SCFD2: variants seen among roughly 807,000 people sequenced by gnomAD.
SCFD2 encodes sec1 family domain containing 2.
SCFD2 carries 54 observed loss-of-function variants against 58.9 expected under a neutral mutation model. The ratio of observed to expected loss-of-function variants is 0.92; its 90% CI spans 0.74 to 1.15. SCFD2 has a LOEUF of 1.15. Among genes scored for constraint, SCFD2 ranks in the 50% most tolerant of loss-of-function variants. The pLI is 0.00. For synonymous variants in SCFD2, 321 were observed against 335.9 expected (o/e 0.96, Z 0.49); for missense variants, 805 against 836.6 (o/e 0.96, Z 0.47).
At chr4:53,220,733 T>C (rs1729024748) in intron 4 of SCFD2, among the ~76,000 whole-genome samples, 1 of 152,204 alleles carries the variant, frequency 6.6e-6, no homozygotes. Context: ...GCTTCACACA[T>C]ATCACAAGAG....
In SCFD2 at chr4:53,200,922, G is replaced by C. The variant is rs188702216; in HGVS notation, c.1312-55340C>G. ...TATAAATCCATTCTAAAAATCAAAAGTTTAAAAGTTCAGCAAAGTTCAAGT... is the reference window on the plus strand; with the variant it reads ...TATAAATCCATTCTAAAAATCAAAACTTTAAAAGTTCAGCAAAGTTCAAGT... On this transcript the variant is annotated intron_variant, in intron 4 of 8. Coordinates refer to ENST00000401642, the MANE Select transcript of SCFD2 (RefSeq NM_152540.4). Among the ~76,000 whole-genome samples, 332 of 152,042 alleles carry C rather than the reference G, an allele frequency of 2.2e-3. 3 individuals carry two copies. Among genetic ancestry groups the C allele is most frequent in the African/African-American group, 7.8e-3 (325 of 41,480 alleles).
At chr4:53,326,003 G>T (rs1013758111) in intron 2 of SCFD2, among the ~76,000 whole-genome samples, 2 of 152,136 alleles carry the variant, frequency 1.3e-5, no homozygotes, top group African/African-American at 4.8e-5. Flanking sequence ...ATGCTAGAAT[G>T]ATTCAGTCTT....
chr4:53,288,304 T>C (rs1364811086), intron 3 of SCFD2, among the ~76,000 whole-genome samples: 2 of 152,100 alleles, frequency 1.3e-5, no homozygotes, highest in Non-Finnish European at 2.9e-5. Context: ...TCCAGAAGGA[T>C]AAGGAATGGA....
At chr4:53,278,305 G>A (rs1731396440) in intron 3 of SCFD2, among the ~76,000 whole-genome samples, 1 of 151,192 alleles carries the variant, frequency 6.6e-6, no homozygotes, top group Admixed American at 6.6e-5. Context: ...GGTGGAGTAA[G>A]CCGAGATTGC....
intron 4 of SCFD2, among the ~76,000 whole-genome samples, chr4:53,191,069 A>G (rs950449035): frequency 2.0e-5 from 3 of 152,112 alleles, no homozygotes; most frequent in Middle Eastern, 3.2e-3. Flanking sequence ...ATTTGAGGGC[A>G]GAGTGCTGTG....
At chr4:52,968,718 G>C (rs1487821305) in intron 5 of SCFD2, among the ~76,000 whole-genome samples, 2 of 152,064 alleles carry the variant, frequency 1.3e-5, no homozygotes, top group African/African-American at 4.8e-5. Context: ...GTTGGTGTGG[G>C]GATCGGCAAC....
intron 5 of SCFD2, among the ~76,000 whole-genome samples, chr4:52,975,848 A>G (rs1182883738): frequency 6.6e-6 from 1 of 152,144 alleles, no homozygotes; most frequent in Non-Finnish European, 1.5e-5. Context: ...CAGCCATAAA[A>G]AAGGATGAGT....
intron 4 of SCFD2, among the ~76,000 whole-genome samples, chr4:53,220,566 G>A (rs1729018862): frequency 6.6e-6 from 1 of 150,944 alleles, no homozygotes; most frequent in Admixed American, 6.6e-5. Flanking sequence ...ATAAAATGCA[G>A]TCAGGTATTC....
At chr4:53,029,368 A>C (rs1722560302) in intron 5 of SCFD2, among the ~76,000 whole-genome samples, 1 of 152,234 alleles carries the variant, frequency 6.6e-6, no homozygotes, top group South Asian at 2.1e-4. Context: ...GAATGAGGCA[A>C]GGCCTTCTGG....
intron 5 of SCFD2, among the ~76,000 whole-genome samples, chr4:53,119,040 G>A (rs1725402772): frequency 1.3e-5 from 2 of 152,094 alleles, no homozygotes; most frequent in South Asian, 4.2e-4. Flanking sequence ...GTTTCTGTCT[G>A]GGCACGGTGG....
At chr4:53,306,189 G>GT (rs1732507553) in intron 3 of SCFD2, among the ~76,000 whole-genome samples, 1 of 152,154 alleles carries the variant, frequency 6.6e-6, no homozygotes, top group Non-Finnish European at 1.5e-5. Context: ...GGGGTTTTAT[G>GT]TTTTTTATTT....
At chr4:53,232,512 A>G (rs1303806280) in intron 4 of SCFD2, among the ~76,000 whole-genome samples, 2 of 152,222 alleles carry the variant, frequency 1.3e-5, no homozygotes, top group Non-Finnish European at 2.9e-5. Flanking sequence ...AACATACAGT[A>G]CAACCAGTAT....
intron 4 of SCFD2, among the ~76,000 whole-genome samples, chr4:53,246,941 T>G (rs978756344): frequency 2.8e-5 from 4 of 143,170 alleles, no homozygotes; most frequent in Admixed American, 2.2e-4. Context: ...TTTTGCAAAC[T>G]ATGGATCTGA....
chr4:52,970,001 A>C (rs1389090377), intron 5 of SCFD2, among the ~76,000 whole-genome samples: 1 of 152,222 alleles, frequency 6.6e-6, no homozygotes, highest in African/African-American at 2.4e-5. Flanking sequence ...AAGAGGGTAA[A>C]AATCTCAAGG....
Position 52,885,648 on chromosome 4 carries a change from G to A in SCFD2, c.1962+99C>T. ...AGCCAAGAGGGTGATGGGCAGGCAGGCTAGGAGAGGGGCACTGGGACCCAT... is the reference window on the plus strand; with the variant it reads ...AGCCAAGAGGGTGATGGGCAGGCAGACTAGGAGAGGGGCACTGGGACCCAT... On this transcript the variant is annotated intron_variant, in intron 8 of 8. Transcript: ENST00000401642. 5 of 1,410,056 alleles carry A rather than the reference G, an allele frequency of 3.5e-6. No individual in the cohort carries two copies. In the South Asian group the frequency reaches 6.1e-5, roughly 17 times the overall value. The allele number at this position is 1,410,056 out of a possible 1,614,324, so 87.3% of individuals were successfully genotyped here.
chr4:53,072,147 T>C (rs1245968402), intron 5 of SCFD2, among the ~76,000 whole-genome samples: 1 of 152,086 alleles, frequency 6.6e-6, no homozygotes, highest in Non-Finnish European at 1.5e-5. Flanking sequence ...GAAAATCTCA[T>C]GTGCAACAGA....
intron 4 of SCFD2, among the ~76,000 whole-genome samples, chr4:53,217,112 T>C (rs1162977776): frequency 3.3e-5 from 5 of 152,180 alleles, no homozygotes; most frequent in Non-Finnish European, 5.9e-5. Flanking sequence ...CTGAGAAGAA[T>C]GTATATTCTG....
chr4:52,911,741 A>G (rs1190379629), intron 6 of SCFD2, among the ~76,000 whole-genome samples: 1 of 152,192 alleles, frequency 6.6e-6, no homozygotes, highest in Non-Finnish European at 1.5e-5. Context: ...AACATTTTCT[A>G]TGAAAATGTG....
intron 4 of SCFD2, among the ~76,000 whole-genome samples, chr4:53,153,890 T>G (rs1029538065): frequency 1.3e-5 from 2 of 152,236 alleles, no homozygotes; most frequent in African/African-American, 2.4e-5. Context: ...CTAAGTCATC[T>G]TGCATAACAT....
Sources: gnomAD v4.1 joint callset for allele counts (sites outside exome capture counted in the v4.1 genomes callset) on GRCh38, gnomAD v4.1.1 for gene constraint, MANE v1.5 for transcripts, NCBI Gene and HGNC (gene_info 2026-07-23, HGNC 2026-07-21) for gene names.